The following LRFN5 variants were observed in gnomAD, a reference collection of about 807,000 sequenced individuals.
LRFN5 encodes leucine rich repeat and fibronectin type III domain containing 5, also known as leucine-rich repeat and fibronectin type-III domain-containing protein 5.
A neutral mutation model predicts 45.6 loss-of-function variants in LRFN5; 24 were observed. That is an observed-to-expected ratio of 0.53 (90% CI 0.38 to 0.74). LRFN5 has a LOEUF of 0.74. Among genes scored for constraint, LRFN5 ranks in the 30% least tolerant of loss-of-function variants. The pLI is 0.00. For synonymous variants in LRFN5, 340 were observed against 313.8 expected, an observed-to-expected ratio of 1.08 and a Z score of -0.88; for missense variants, 776 against 861.5, an observed-to-expected ratio of 0.90 and a Z score of 1.24.
At chr14:41,771,155 C>G (rs1009742089) in intron 2 of LRFN5, among the ~76,000 whole-genome samples, 1 of 150,820 alleles carries the variant, frequency 6.6e-6, no homozygotes, top group African/African-American at 2.4e-5. Context: ...CAGTGGGGCC[C>G]TAGGCCTGGC....
At chr14:41,847,520 C>T (rs1307454533) in intron 2 of LRFN5, among the ~76,000 whole-genome samples, 2 of 152,026 alleles carry the variant, frequency 1.3e-5, no homozygotes, top group Non-Finnish European at 2.9e-5. Flanking sequence ...TTTAAAATTA[C>T]ATCACCATGG....
At chr14:41,732,312 C>T (rs1335312311) in intron 1 of LRFN5, among the ~76,000 whole-genome samples, 2 of 152,126 alleles carry the variant, frequency 1.3e-5, no homozygotes, top group African/African-American at 4.8e-5. Context: ...GTTTCACCAA[C>T]CCCTATTGTT....
chr14:41,717,652 T>C (rs548742924), intron 1 of LRFN5, among the ~76,000 whole-genome samples: 1 of 152,336 alleles, frequency 6.6e-6, no homozygotes, highest in South Asian at 2.1e-4. Flanking sequence ...CTGTAACTTA[T>C]GGTCAGACCC....
In LRFN5 at chr14:41,781,631, AAAGG is replaced by A. The variant is rs1387630816; in HGVS notation, c.-21+14605_-21+14608del. Among the ~76,000 whole-genome samples, 68 of 143,834 alleles carry A rather than the reference AAAGG, an allele frequency of 4.7e-4. 3 individuals are homozygous for A. In the East Asian group the frequency reaches 0.014, roughly 29 times the overall value. 94.4% of individuals were successfully genotyped at this position (143,834 alleles called of 152,430 possible). ...AAGAAAGAAAGAGAAAGAAAGAAAGAAAGGAAAGAAAGAAAGAGAAAGAAAGAAA... is the reference window on the plus strand; with the variant it reads ...AAGAAAGAAAGAGAAAGAAAGAAAGAAAAGAAAGAAAGAGAAAGAAAGAAA... On this transcript the variant is annotated intron_variant, in intron 2 of 5. Transcript: ENST00000298119.
chr14:41,863,816 A>AATGCC (rs1889749223), intron 2 of LRFN5, among the ~76,000 whole-genome samples: 1 of 152,068 alleles, frequency 6.6e-6, no homozygotes, highest in Admixed American at 6.5e-5. Context: ...TATTTCTCCT[A>AATGCC]ATGCCATCCC....
intron 1 of LRFN5, among the ~76,000 whole-genome samples, chr14:41,676,663 A>G (rs1881642815): frequency 6.6e-6 from 1 of 152,234 alleles, no homozygotes; most frequent in African/African-American, 2.4e-5. Flanking sequence ...AATTAGAGAA[A>G]GATGTGGAAC....
intron 2 of LRFN5, among the ~76,000 whole-genome samples, chr14:41,772,604 T>C (rs1048558653): frequency 6.6e-6 from 1 of 152,176 alleles, no homozygotes; most frequent in Non-Finnish European, 1.5e-5. Flanking sequence ...AAAAATTCTT[T>C]ATAATGGCTC....
chr14:41,898,462 T>C (rs1310297787), intron 4 of LRFN5, among the ~76,000 whole-genome samples: 2 of 152,066 alleles, frequency 1.3e-5, no homozygotes, highest in Non-Finnish European at 2.9e-5. Flanking sequence ...TTTTAAGTGA[T>C]TCTTTTGTAC....
intron 3 of LRFN5, 97 bp downstream of exon 3, chr14:41,888,107 G>A (rs1226384239): frequency 1.1e-6 from 1 of 909,084 alleles, no homozygotes; most frequent in African/African-American, 1.7e-5. Context: ...GTGCTGTTCT[G>A]TGTTGTAATT....
At chr14:41,802,450 A>T (rs1260076391) in intron 2 of LRFN5, among the ~76,000 whole-genome samples, 1 of 152,176 alleles carries the variant, frequency 6.6e-6, no homozygotes, top group African/African-American at 2.4e-5. Flanking sequence ...AGGGTAAGGG[A>T]TTCTTCCTAA....
chr14:41,804,796 ATAAT>A (rs1887462306), intron 2 of LRFN5, among the ~76,000 whole-genome samples: 1 of 152,192 alleles, frequency 6.6e-6, no homozygotes, highest in African/African-American at 2.4e-5. Context: ...AAATGAATAA[ATAAT>A]TGATTTATTC....
intron 2 of LRFN5, among the ~76,000 whole-genome samples, chr14:41,873,657 G>C (rs1890097860): frequency 6.6e-6 from 1 of 151,960 alleles, no homozygotes; most frequent in Non-Finnish European, 1.5e-5. Flanking sequence ...TATTCAATTT[G>C]ATTTTCTGAT....
chr14:41,735,940 CT>C (rs1453946613), intron 1 of LRFN5, among the ~76,000 whole-genome samples: 7 of 152,076 alleles, frequency 4.6e-5, no homozygotes, highest in Non-Finnish European at 1.5e-5. Flanking sequence ...TGAATTCATT[CT>C]TTTTTATGGC....
At chr14:41,754,036 C>T (rs1398971161) in intron 1 of LRFN5, among the ~76,000 whole-genome samples, 1 of 152,102 alleles carries the variant, frequency 6.6e-6, no homozygotes, top group Non-Finnish European at 1.5e-5. Flanking sequence ...TGGTTTCTGT[C>T]TTTGGTTCTG....
chr14:41,727,160 A>G (rs1388472224), intron 1 of LRFN5, among the ~76,000 whole-genome samples: 7 of 152,202 alleles, frequency 4.6e-5, no homozygotes. Flanking sequence ...ATGACTTCAC[A>G]TATGTGTGGA....
intron 2 of LRFN5, among the ~76,000 whole-genome samples, chr14:41,849,238 C>A (rs901877613): frequency 2.1e-4 from 32 of 151,854 alleles, no homozygotes; most frequent in Admixed American, 1.1e-3. Context: ...TATTATTCCC[C>A]AAAAATCTAG....
intron 1 of LRFN5, among the ~76,000 whole-genome samples, chr14:41,720,600 C>T (rs1297667933): frequency 5.9e-5 from 9 of 152,166 alleles, no homozygotes; most frequent in Non-Finnish European, 1.3e-4. Context: ...ACATATATTT[C>T]AAATAAATAT....
At chr14:41,873,991 T>C (rs1890107896) in intron 2 of LRFN5, among the ~76,000 whole-genome samples, 1 of 152,200 alleles carries the variant, frequency 6.6e-6, no homozygotes, top group African/African-American at 2.4e-5. Context: ...TAATAAATCA[T>C]TTATTAGATT....
At chr14:41,805,390 T>TTTTATTTA (rs60289355) in intron 2 of LRFN5, among the ~76,000 whole-genome samples, 16,765 of 146,054 alleles carry the variant, frequency 0.11, 1,035 homozygotes, top group East Asian at 0.2. Flanking sequence ...ATAAGTTTTA[T>TTTTATTTA]TTTATTTATT....
Sources: gnomAD v4.1 joint callset for allele counts (sites outside exome capture counted in the v4.1 genomes callset) on GRCh38, gnomAD v4.1.1 for gene constraint, MANE v1.5 for transcripts, NCBI Gene and HGNC (gene_info 2026-07-23, HGNC 2026-07-21) for gene names.